Variants in TUT4 observed in about 807,000 individuals in gnomAD.
The protein encoded by TUT4 is terminal uridylyl transferase 4.
A neutral mutation model predicts 192.2 loss-of-function variants in TUT4; 36 were observed. The ratio of observed to expected loss-of-function variants is 0.19; its 90% CI spans 0.14 to 0.25. The LOEUF (loss-of-function observed/expected upper bound fraction) is 0.25, where lower values mean the gene tolerates loss of function less well. TUT4 is among the 10% of genes least tolerant of loss of function. The pLI is 1.00. For missense variants in TUT4, 1,493 were observed against 1,957.2 expected, an observed-to-expected ratio of 0.76 and a Z score of 4.47; for synonymous variants, 618 against 666.0, an observed-to-expected ratio of 0.93 and a Z score of 1.11.
chr1:52,520,799 TC>T (rs1680039620), intron 2 of TUT4, among the ~76,000 whole-genome samples: 1 of 152,140 alleles, frequency 6.6e-6, no homozygotes, highest in South Asian at 2.1e-4. Flanking sequence ...TATTTTATTT[TC>T]TTTTTTTTTG....
intron 8 of TUT4, among the ~76,000 whole-genome samples, chr1:52,489,619 C>T (rs1670642280): frequency 6.6e-6 from 1 of 152,126 alleles, no homozygotes; most frequent in South Asian, 2.1e-4. Context: ...AATGGGATGA[C>T]AGAAGTGTAG....
At position 52,436,735 on chromosome 1, in the gene TUT4, G is replaced by A. The variant is rs953410754; in HGVS notation, c.4162+20C>T. 28 of 1,612,182 alleles carry A rather than the reference G, an allele frequency of 1.7e-5. No individual in the cohort carries two copies. The highest frequency in any genetic ancestry group is 2.2e-5 in the East Asian group (1 of 44,878). ...TGACTTCGTTTCTACCAGAAACTAT[G>A]TTTGGCCTTTTCTATTTACCTGCCA... is the stretch of plus-strand genomic sequence containing the variant. On this transcript the variant is annotated intron_variant, in intron 26 of 29. Transcript: ENST00000257177.
At chr1:52,436,685 T>A in intron 26 of TUT4, 70 bp downstream of exon 26, 2 of 1,595,340 alleles carry the variant, frequency 1.3e-6, no homozygotes, top group South Asian at 2.2e-5. Context: ...GGAATTAGGG[T>A]CATTTAGCAT....
At chr1:52,523,329 G>A (rs761396290) in intron 2 of TUT4, among the ~76,000 whole-genome samples, 3 of 149,354 alleles carry the variant, frequency 2.0e-5, no homozygotes, top group Middle Eastern at 6.8e-3. Flanking sequence ...TTACTGGCCC[G>A]GTGTAGTGGC....
At chr1:52,520,091 G>A (rs1294028859) in intron 2 of TUT4, among the ~76,000 whole-genome samples, 1 of 152,064 alleles carries the variant, frequency 6.6e-6, no homozygotes, top group Non-Finnish European at 1.5e-5. Flanking sequence ...TTGACGCAGA[G>A]GAAAAAGCAA....
chr1:52,444,947 ATG>A (rs374574128), intron 24 of TUT4, among the ~76,000 whole-genome samples: 2 of 147,680 alleles, frequency 1.4e-5, no homozygotes, highest in Admixed American at 6.7e-5. Flanking sequence ...ATATACATGT[ATG>A]TGTATATACA....
intron 15 of TUT4, 100 bp downstream of exon 15, chr1:52,468,081 T>C: frequency 1.2e-6 from 1 of 859,766 alleles, no homozygotes; most frequent in Non-Finnish European, 1.8e-6. Context: ...ACTAGAACAG[T>C]ACTTAACACA....
chr1:52,463,991 T>G (rs546883488), intron 16 of TUT4, among the ~76,000 whole-genome samples: 2 of 152,164 alleles, frequency 1.3e-5, no homozygotes, highest in African/African-American at 4.8e-5. Flanking sequence ...GGAAAGAGCA[T>G]GAACTCTGGA....
chr1:52,470,074 G>T (rs576823932), intron 14 of TUT4, among the ~76,000 whole-genome samples: 1 of 152,050 alleles, frequency 6.6e-6, no homozygotes, highest in African/African-American at 2.4e-5. Flanking sequence ...CCAATAAAAG[G>T]AACCACAGCT....
intron 20 of TUT4, among the ~76,000 whole-genome samples, chr1:52,449,375 T>G (rs1658635456): frequency 6.6e-6 from 1 of 152,232 alleles, no homozygotes; most frequent in African/African-American, 2.4e-5. Flanking sequence ...CTCAGCTCAC[T>G]GCAACCTCCA....
Position 52,426,403 on chromosome 1 carries a change from T to C in TUT4, c.4712-896A>G, listed in dbSNP as rs550611337. Reference sequence around the variant, plus strand: ...TAAAATGTATCTTTAAGTACATTTTTCGAAGTGCAGTACCCAGTTTATATT... The same window carrying C: ...TAAAATGTATCTTTAAGTACATTTTCCGAAGTGCAGTACCCAGTTTATATT... On this transcript the variant is annotated intron_variant, in intron 28 of 29. Transcript: ENST00000257177. 3.3e-5 allele frequency among the ~76,000 whole-genome samples: 5 copies of C among 152,332 alleles called. No homozygotes were observed. The East Asian group carries it at 9.6e-4, about 29-fold the overall frequency.
chr1:52,510,595 A>C (rs1485514911), intron 3 of TUT4, among the ~76,000 whole-genome samples: 1 of 152,326 alleles, frequency 6.6e-6, no homozygotes, highest in East Asian at 1.9e-4. Flanking sequence ...CTAACACACT[A>C]AACTATCAGT....
Position 52,525,746 on chromosome 1 carries a change from G to C in TUT4, c.535C>G (p.Gln179Glu). ...KDMRQKTELQ[Q>E]IGKKIPSSFT... ...GAGCTTGGAATTTTTTTTCCAATCT[G>C]TTGTAATTCTGTCTTCTGTCTCATG... The change falls in exon 2 of 30, where the codon CAG (glutamine) becomes GAG (glutamate). Residue 179 changes from glutamine to glutamate, a missense_variant. Gln to Glu is a conservative substitution (Grantham distance 29). Around this residue, in one of 7 missense-constraint regions of TUT4, gnomAD observed 260 missense variants for 247.8 expected, o/e 1.05. Coordinates refer to ENST00000257177, the MANE Select transcript of TUT4 (RefSeq NM_001009881.3). 1 of 1,614,134 alleles carries C rather than the reference G, an allele frequency of 6.2e-7. No homozygotes were observed. The highest frequency in any genetic ancestry group is 8.5e-7 in the Non-Finnish European group (1 of 1,180,010).
chr1:52,535,472 C>G (rs531206238), intron 1 of TUT4, among the ~76,000 whole-genome samples: 1 of 152,238 alleles, frequency 6.6e-6, no homozygotes, highest in South Asian at 2.1e-4. Context: ...AAAATTCTTT[C>G]TCAAACTTTT....
intron 4 of TUT4, among the ~76,000 whole-genome samples, chr1:52,504,642 A>T (rs1011881813): frequency 1.3e-5 from 2 of 152,156 alleles, no homozygotes; most frequent in African/African-American, 4.8e-5. Context: ...AAAAAAACAA[A>T]CATGTTATTA....
intron 20 of TUT4, among the ~76,000 whole-genome samples, chr1:52,457,475 C>G (rs1263441776): frequency 6.6e-6 from 1 of 152,070 alleles, no homozygotes; most frequent in Non-Finnish European, 1.5e-5. Flanking sequence ...ACCTCGTGAT[C>G]TGCCCGCCTC....
chr1:52,469,189 A>T (rs565792767), intron 14 of TUT4, among the ~76,000 whole-genome samples: 4 of 152,200 alleles, frequency 2.6e-5, no homozygotes, highest in South Asian at 4.1e-4. Flanking sequence ...ATGCAATTTT[A>T]AAAAAATCAT....
Position 52,435,406 on chromosome 1 carries a change from G to C in TUT4, c.4222C>G (p.Gln1408Glu). 6.2e-7 allele frequency: 1 copy of C among 1,614,156 alleles called. No homozygotes were observed. The change falls in exon 27 of 30, where the codon CAG (glutamine) becomes GAG (glutamate). Residue 1408 changes from glutamine (Q) to glutamate (E), a missense_variant. Transcript: ENST00000257177. ...CTAGTCCTTATGGACTGATCACCCT[G>C]TTGCTGAGCTGAACCAGCCACCTGT... ...AQQVAGSAQQ[Q>E]GDQSIRTRQS...
intron 20 of TUT4, 26 bp downstream of exon 20, chr1:52,458,310 C>G: frequency 6.4e-7 from 1 of 1,569,940 alleles, no homozygotes; most frequent in Non-Finnish European, 8.7e-7. Context: ...AAAAAAAACT[C>G]CTTTATAGTT....
Sources: gnomAD v4.1 joint callset for allele counts (sites outside exome capture counted in the v4.1 genomes callset) on GRCh38, gnomAD v4.1.1 for gene constraint, gnomAD v4.1.1 regional missense constraint, MANE v1.5 for transcripts, NCBI Gene and HGNC (gene_info 2026-07-23, HGNC 2026-07-21) for gene names.